ZMIZ2: variants seen among roughly 807,000 people sequenced by gnomAD.
ZMIZ2 encodes the protein zinc finger MIZ-type containing 2, also known as zinc finger MIZ domain-containing protein 2.
Under a neutral mutation model 93.9 loss-of-function variants are expected in ZMIZ2, and 26 were observed. The observed-to-expected ratio is 0.28, with a 90% CI of 0.20 to 0.38. The LOEUF (loss-of-function observed/expected upper bound fraction) is 0.38. Among genes scored for constraint, ZMIZ2 ranks in the 10% least tolerant of loss-of-function variants. ZMIZ2 has a pLI of 1.00. For synonymous variants in ZMIZ2, 485 were observed against 516.4 expected, an observed-to-expected ratio of 0.94 and a Z score of 0.82; for missense variants, 1,023 against 1,235.0, an observed-to-expected ratio of 0.83 and a Z score of 2.57.
At chr7:44,758,771 G>A (rs1164196173) in intron 6 of ZMIZ2, among the ~76,000 whole-genome samples, 1 of 151,908 alleles carries the variant, frequency 6.6e-6, no homozygotes, top group East Asian at 1.9e-4. Context: ...AGCATTAGCC[G>A]GGTGTGGTGG....
chr7:44,756,627 C>T (rs1562726485), intron 3 of ZMIZ2, 88 bp downstream of exon 3: 8 of 1,412,472 alleles, frequency 5.7e-6, no homozygotes, highest in African/African-American at 2.8e-5. Context: ...CTCTGAGAGA[C>T]GAAGAGGCTG....
At chr7:44,759,249 T>C in intron 6 of ZMIZ2, 32 bp from the exon 7 acceptor site, 1 of 1,464,530 alleles carries the variant, frequency 6.8e-7, no homozygotes, top group East Asian at 2.7e-5. Context: ...GATGCCTTTT[T>C]TCTCCCCTCG....
At chr7:44,754,115 G>T (rs566986767) in intron 1 of ZMIZ2, among the ~76,000 whole-genome samples, 86 of 152,334 alleles carry the variant, frequency 5.6e-4, no homozygotes, top group Non-Finnish European at 7.6e-4. Flanking sequence ...GCTGCTCAAG[G>T]CCCCACCCAG....
rs748709917 is a variant in ZMIZ2, at chr7:44,767,586, A to G, written c.2726A>G (p.Asn909Ser). 1.2e-5 allele frequency: 20 copies of G among 1,614,098 alleles called. No homozygotes were observed. The South Asian group carries it at 2.0e-4, about 16-fold the overall frequency. ...YLGPPDLPTN[N>S]NDDLLSLFEN... The stretch of plus-strand genomic sequence containing the variant: ...GGCCCACCCGACCTCCCTACGAACA[A>G]CAATGACGACCTGCTTTCTCTGTTT... Residue 909 changes from asparagine to serine, a missense_variant, in exon 19 of 19, where the codon AAC becomes AGC. Coordinates refer to ENST00000309315, the MANE Select transcript of ZMIZ2 (RefSeq NM_031449.4).
At chr7:44,756,837 A>G in intron 3 of ZMIZ2, 110 bp from the exon 4 acceptor site, 1 of 1,173,352 alleles carries the variant, frequency 8.5e-7, no homozygotes, top group Non-Finnish European at 1.2e-6. Context: ...TGTCCCCCCC[A>G]CCTCTCCCCC....
Position 44,763,174 on chromosome 7 carries a change from G to A in ZMIZ2, c.1703-82G>A. On this transcript the variant is annotated intron_variant, in intron 12 of 18. Coordinates refer to ENST00000309315, the MANE Select transcript of ZMIZ2 (RefSeq NM_031449.4). The surrounding 1 kb of genome is among the most constrained non-coding windows in gnomAD (Gnocchi z 5.6). ...GAGCTGTCAGTGGGTCAGTGACTGG[G>A]TCCCTGCCTCGTTGGCATCCCCATT... 6.4e-7 allele frequency: 1 copy of A among 1,566,580 alleles called. No homozygotes were observed. Among genetic ancestry groups the A allele is most frequent in the Non-Finnish European group, 8.7e-7 (1 of 1,151,412 alleles).
At position 44,757,579 on chromosome 7, in the gene ZMIZ2, C is replaced by T; in HGVS notation, c.552+18C>T. Reference sequence around the variant, plus strand: ...ATGGAGCGGTGAGCCCCCTCAGCAGCTCCTCCCACATGGCAGCCAGCCTGA... The same window carrying T: ...ATGGAGCGGTGAGCCCCCTCAGCAGTTCCTCCCACATGGCAGCCAGCCTGA... On this transcript the variant is annotated intron_variant, in intron 5 of 18. Transcript: ENST00000309315. 1 of 1,573,014 alleles carries T rather than the reference C, an allele frequency of 6.4e-7. No individual in the cohort carries two copies. The highest frequency in any genetic ancestry group is 8.6e-7 in the Non-Finnish European group (1 of 1,157,158).
chr7:44,766,571 C>T lies in ZMIZ2; in HGVS notation c.2563C>T (p.Pro855Ser), dbSNP rs1791731292. The T allele has an allele frequency of 6.2e-7, 1 of 1,613,826 alleles. No homozygotes were observed. The highest frequency in any genetic ancestry group is 1.7e-5 in the Admixed American group (1 of 60,028). Residue 855 changes from proline to serine, a missense_variant, in exon 18 of 19, where the codon CCT (proline) becomes TCT (serine). This residue lies in a region of ZMIZ2 where 319 missense variants were observed against 358.8 expected (regional missense o/e 0.89). Transcript: ENST00000309315. This position sits in a 1 kb window ranked among gnomAD's most constrained non-coding sequence, Gnocchi z 4.4. ...RQSLGQASLG[P>S]TGELAFSPAT... ...GTCCTTGGGCCAAGCGAGCTTAGGA[C>T]CTACGGGTGAACTGGCCTTCAGTCC...
chr7:44,764,844 G>A (rs1260781660), intron 14 of ZMIZ2, 97 bp from the exon 15 acceptor site: 2 of 1,318,862 alleles, frequency 1.5e-6, no homozygotes, highest in East Asian at 2.4e-5. Flanking sequence ...ATTGCCTCAT[G>A]CAGGGTCACA....
rs1449689129 is a variant in ZMIZ2 at position 44,757,130 on chromosome 7, GC to G, written c.354del (p.Gly119AlafsTer61). On this transcript the variant is annotated frameshift_variant, in exon 4 of 19. Transcript: ENST00000309315. LOFTEE classifies it high-confidence loss of function. ...GVYSRGGYPG[A>X]PGFTTGYAGG... ...GTACAGCCGCGGGGGCTACCCTGGG[GC>G]CCCCGGCTTCACCACCGGGTAAGCA... The G allele has an allele frequency of 1.9e-6, 3 of 1,595,090 alleles. No homozygotes were observed. Among genetic ancestry groups the G allele is most frequent in the Admixed American group, 1.8e-5 (1 of 54,238 alleles).
At position 44,766,402 on chromosome 7, in the gene ZMIZ2, T is replaced by C. The variant is rs369194498; in HGVS notation, c.2413-19T>C. ...GGAGCCCCTGAGCTGTTTTAACAAATTCTTCTCTCTGTCTTCAGATGGCAC... is the reference window on the plus strand; with the variant it reads ...GGAGCCCCTGAGCTGTTTTAACAAACTCTTCTCTCTGTCTTCAGATGGCAC... On this transcript the variant is annotated intron_variant, in intron 17 of 18. Coordinates refer to ENST00000309315, the MANE Select transcript of ZMIZ2 (RefSeq NM_031449.4). This position sits in a 1 kb window ranked among gnomAD's most constrained non-coding sequence, Gnocchi z 4.4. 2 of 1,613,690 alleles carry C rather than the reference T, an allele frequency of 1.2e-6. No individual in the cohort carries two copies. Among genetic ancestry groups the C allele is most frequent in the African/African-American group, 2.7e-5 (2 of 74,904 alleles).
rs1791998542 is a variant in ZMIZ2 at position 44,769,514 on chromosome 7, C to CT, written c.*1891_*1892insT. The stretch of plus-strand genomic sequence containing the variant: ...GGAGGAAACAAAAGAAGCAGCAGCA[C>CT]GCACAGTCCTGTCGCTGGGTGCGGA... On this transcript the variant is annotated 3_prime_UTR_variant, in exon 19 of 19. Coordinates refer to ENST00000309315, the MANE Select transcript of ZMIZ2 (RefSeq NM_031449.4). 1.3e-5 allele frequency: 2 copies of CT among 152,762 alleles called. No individual in the cohort carries two copies. Among genetic ancestry groups the CT allele is most frequent in the Non-Finnish European group, 2.9e-5 (2 of 68,116 alleles). 9.5% of individuals were successfully genotyped at this position (152,762 alleles called of 1,614,324 possible). A position where few individuals can be genotyped will look rare whatever the true frequency, so the allele number is the denominator to read the frequency against.
chr7:44,764,562 G>T (rs1791508893), intron 14 of ZMIZ2, 76 bp downstream of exon 14: 1 of 1,505,040 alleles, frequency 6.6e-7, no homozygotes, highest in Admixed American at 1.7e-5. Flanking sequence ...ACCTCCAACA[G>T]CATCATCAAA....
rs375579312 is a variant in ZMIZ2, at chr7:44,767,593, C to G, written c.2733C>G (p.Asp911Glu). ...CCGACCTCCCTACGAACAACAATGA[C>G]GACCTGCTTTCTCTGTTTGAGAACA... ...GPPDLPTNNNDDLLSLFENN is the reference protein window; with the variant it reads ...GPPDLPTNNNEDLLSLFENN The change falls in exon 19 of 19, where the codon GAC becomes GAG. Residue 911 changes from aspartate to glutamate, a missense_variant. Asp to Glu is a conservative substitution (Grantham distance 45). Transcript: ENST00000309315. 1 of 1,614,172 alleles carries G rather than the reference C, an allele frequency of 6.2e-7. No individual in the cohort carries two copies. Among genetic ancestry groups the G allele is most frequent in the Non-Finnish European group, 8.5e-7 (1 of 1,180,020 alleles).
At chr7:44,762,582 T>G (rs1002761444) in intron 11 of ZMIZ2, among the ~76,000 whole-genome samples, 1 of 152,154 alleles carries the variant, frequency 6.6e-6, no homozygotes, top group African/African-American at 2.4e-5. Context: ...GGACTTGAGG[T>G]GATTCTCTTC....
At position 44,768,667 on chromosome 7, in the gene ZMIZ2, T is replaced by G. The variant is rs1373538074; in HGVS notation, c.*1044T>G. The G allele has an allele frequency of 1.3e-5, 2 of 152,046 alleles. No homozygotes were observed. The highest frequency in any genetic ancestry group is 4.8e-5 in the African/African-American group (2 of 41,354). The allele number at this position is 152,046 out of a possible 1,614,324, so 9.4% of individuals were successfully genotyped here. On this transcript the variant is annotated 3_prime_UTR_variant, in exon 19 of 19. Coordinates refer to ENST00000309315, the MANE Select transcript of ZMIZ2 (RefSeq NM_031449.4). ...GTTGTGTCTCCTGTCTGTGCCGATC[T>G]CTATTAAAGGACTCCCTCTTGGTGG... is the stretch of plus-strand genomic sequence containing the variant.
chr7:44,759,095 A>AC (rs1554321202), intron 6 of ZMIZ2, among the ~76,000 whole-genome samples, 186 bp from the exon 7 acceptor site: 2 of 147,344 alleles, frequency 1.4e-5, no homozygotes, highest in Non-Finnish European at 3.0e-5. Context: ...AAAAAAAAAA[A>AC]AAAAAAAAAA....
At position 44,767,845 on chromosome 7, in the gene ZMIZ2, T is replaced by A; in HGVS notation, c.*222T>A. On this transcript the variant is annotated 3_prime_UTR_variant, in exon 19 of 19. Transcript: ENST00000309315. ...GCCGGCAGCCCTTGCCACCTCCCTC[T>A]GCCAAGCCTGCTGCTGCAGAACGGT... 2 of 585,824 alleles carry A rather than the reference T, an allele frequency of 3.4e-6. No homozygotes were observed. Among genetic ancestry groups the A allele is most frequent in the Admixed American group, 5.9e-5 (2 of 34,094 alleles). The allele number at this position is 585,824 out of a possible 1,614,324, so 36.3% of individuals were successfully genotyped here.
rs932380337 is a variant in ZMIZ2 at position 44,768,116 on chromosome 7, C to T, written c.*493C>T. ...GGCCCCTGTGCCCAGCAGTCCAGCT[C>T]TTGGAACCTCGCTGAATGGCAGCCT... On this transcript the variant is annotated 3_prime_UTR_variant, in exon 19 of 19. Transcript: ENST00000309315. 6.0e-6 allele frequency: 1 copy of T among 165,644 alleles called. No individual in the cohort carries two copies. The highest frequency in any genetic ancestry group is 2.4e-5 in the African/African-American group (1 of 41,694). The allele number at this position is 165,644 out of a possible 1,614,324, so 10.3% of individuals were successfully genotyped here.
Sources: gnomAD v4.1 joint callset for allele counts (sites outside exome capture counted in the v4.1 genomes callset) on GRCh38, gnomAD v4.1.1 for gene constraint, gnomAD v4.1.1 regional missense constraint, Gnocchi (gnomAD v3.1) non-coding constraint, MANE v1.5 for transcripts, NCBI Gene and HGNC (gene_info 2026-07-23, HGNC 2026-07-21) for gene names.